Variants in PLXDC2 observed in about 807,000 individuals in gnomAD.
PLXDC2 encodes the protein plexin domain-containing protein 2.
PLXDC2 carries 40 observed loss-of-function variants against 68.9 expected under a neutral mutation model. The observed-to-expected ratio is 0.58, with a 90% CI of 0.45 to 0.76. The LOEUF is 0.76. Ranked by LOEUF, PLXDC2 falls within the 30% of genes least tolerant of loss-of-function variation. The pLI, the probability that PLXDC2 is intolerant of heterozygous loss-of-function variation, is 0.00. For synonymous variants in PLXDC2, 243 were observed against 234.2 expected, an observed-to-expected ratio of 1.04 and a Z score of -0.34; for missense variants, 644 against 661.9, an observed-to-expected ratio of 0.97 and a Z score of 0.30.
chr10:20,062,409 C>T (rs1439175422), intron 3 of PLXDC2, among the ~76,000 whole-genome samples: 3 of 151,446 alleles, frequency 2.0e-5, no homozygotes, highest in African/African-American at 7.3e-5. Flanking sequence ...GGTGGCAGAG[C>T]GAGACTCCAT....
intron 1 of PLXDC2, among the ~76,000 whole-genome samples, chr10:19,923,572 G>A (rs895814325): frequency 2.0e-5 from 3 of 151,990 alleles, no homozygotes; most frequent in African/African-American, 7.3e-5. Context: ...GCTACACTGA[G>A]GCAATTAAGG....
intron 6 of PLXDC2, among the ~76,000 whole-genome samples, chr10:20,162,188 A>T (rs1031794776): frequency 1.3e-5 from 2 of 152,082 alleles, no homozygotes; most frequent in East Asian, 3.9e-4. Context: ...AAAGAAGGAA[A>T]GAAAGAAAAG....
intron 6 of PLXDC2, among the ~76,000 whole-genome samples, chr10:20,149,229 C>CCTTT (rs1834120053): frequency 3.7e-4 from 13 of 34,924 alleles, no homozygotes; most frequent in African/African-American, 1.5e-3. Context: ...TTTTTCTTTT[C>CCTTT]TTTTTTTTTT....
intron 1 of PLXDC2, among the ~76,000 whole-genome samples, chr10:19,930,530 A>G (rs1176533576): frequency 1.3e-5 from 2 of 152,212 alleles, no homozygotes; most frequent in Non-Finnish European, 2.9e-5. Context: ...CCTGTTCTAC[A>G]TACATAGGAA....
In PLXDC2 at chr10:20,111,943, G is replaced by T. The variant is rs189505011; in HGVS notation, c.542-31352G>T. On this transcript the variant is annotated intron_variant, in intron 4 of 13. Transcript: ENST00000377252. Reference sequence around the variant, plus strand: ...TATTTGAAGATGAGACTTTGGAGAGGTAATTAGGGTTATACGAATTTATTG... The same window carrying T: ...TATTTGAAGATGAGACTTTGGAGAGTTAATTAGGGTTATACGAATTTATTG... Among the ~76,000 whole-genome samples, 601 of 152,294 alleles carry T rather than the reference G, an allele frequency of 3.9e-3. 6 individuals are homozygous for T. Among genetic ancestry groups the T allele is most frequent in the Middle Eastern group, 0.01 (3 of 294 alleles).
chr10:20,069,946 T>C (rs1225774702), intron 4 of PLXDC2, among the ~76,000 whole-genome samples: 2 of 152,232 alleles, frequency 1.3e-5, no homozygotes, highest in East Asian at 3.8e-4. Flanking sequence ...TTTAAGACTA[T>C]AGAAAAATTG....
chr10:19,959,554 A>C (rs1045805030), intron 1 of PLXDC2, among the ~76,000 whole-genome samples: 1 of 152,234 alleles, frequency 6.6e-6, no homozygotes, highest in African/African-American at 2.4e-5. Context: ...TCTTAATTTA[A>C]GAATCCTGAA....
intron 4 of PLXDC2, among the ~76,000 whole-genome samples, chr10:20,117,167 A>G (rs1222374992): frequency 6.6e-6 from 1 of 152,130 alleles, no homozygotes; most frequent in African/African-American, 2.4e-5. Flanking sequence ...AAAGTTTTCA[A>G]TAACAGTAGC....
intron 7 of PLXDC2, among the ~76,000 whole-genome samples, chr10:20,166,233 G>A (rs754760404): frequency 1.3e-5 from 2 of 152,252 alleles, no homozygotes; most frequent in South Asian, 4.1e-4. Context: ...TCTTACAACC[G>A]TAAGATATCT....
At chr10:19,846,065 A>G (rs149239019) in intron 1 of PLXDC2, among the ~76,000 whole-genome samples, 236 of 152,254 alleles carry the variant, frequency 1.6e-3, no homozygotes, top group African/African-American at 5.0e-3. Context: ...TTATTTCCAG[A>G]ATAGCCTGCC....
At chr10:20,031,068 A>G (rs940607219) in intron 2 of PLXDC2, among the ~76,000 whole-genome samples, 3 of 152,158 alleles carry the variant, frequency 2.0e-5, no homozygotes, top group African/African-American at 7.2e-5. Flanking sequence ...CTCAGCTGAC[A>G]CTGTGTGGAA....
At chr10:19,842,838 T>C (rs1401441717) in intron 1 of PLXDC2, among the ~76,000 whole-genome samples, 1 of 152,156 alleles carries the variant, frequency 6.6e-6, no homozygotes, top group African/African-American at 2.4e-5. Context: ...TGGAGCTTTC[T>C]TTTTTGCTCT....
chr10:20,036,485 G>T (rs765236281), intron 2 of PLXDC2, among the ~76,000 whole-genome samples: 4 of 152,094 alleles, frequency 2.6e-5, no homozygotes, highest in Non-Finnish European at 5.9e-5. Flanking sequence ...ATCATACATT[G>T]TTATGGTAGC....
At chr10:20,162,394 G>A (rs1310495891) in intron 6 of PLXDC2, among the ~76,000 whole-genome samples, 1 of 152,134 alleles carries the variant, frequency 6.6e-6, no homozygotes, top group Non-Finnish European at 1.5e-5. Flanking sequence ...AATTACCACA[G>A]AATCATCTGG....
At chr10:20,058,281 C>T (rs1333207292) in intron 3 of PLXDC2, among the ~76,000 whole-genome samples, 4 of 152,068 alleles carry the variant, frequency 2.6e-5, no homozygotes, top group Non-Finnish European at 4.4e-5. Context: ...GTGTTAGGAA[C>T]GTTTCATCCT....
chr10:20,007,120 C>A (rs1835039060), intron 2 of PLXDC2, among the ~76,000 whole-genome samples: 1 of 152,118 alleles, frequency 6.6e-6, no homozygotes, highest in Non-Finnish European at 1.5e-5. Flanking sequence ...CATGATTTGG[C>A]CTTGTTGGAG....
At chr10:20,231,191 A>G (rs1835359565) in intron 12 of PLXDC2, among the ~76,000 whole-genome samples, 1 of 151,068 alleles carries the variant, frequency 6.6e-6, no homozygotes, top group Non-Finnish European at 1.5e-5. Flanking sequence ...AGAACAATAT[A>G]TCTACAAAAT....
At position 20,180,341 on chromosome 10, in the gene PLXDC2, A is replaced by G. The variant is rs546331052; in HGVS notation, c.1061+2932A>G. On this transcript the variant is annotated intron_variant, in intron 9 of 13. Transcript: ENST00000377252. ...TCTTCAGCAACCCAGTTATATACAT[A>G]TCAAAACCTGTTTAATTAATCGGTT... Among the ~76,000 whole-genome samples the G allele has an allele frequency of 3.2e-4, 49 of 152,242 alleles. No individual in the cohort carries two copies. In the South Asian group the frequency reaches 6.4e-3, roughly 20 times the overall value.
chr10:20,160,750 G>A (rs769714149), intron 6 of PLXDC2, among the ~76,000 whole-genome samples: 9 of 151,386 alleles, frequency 5.9e-5, no homozygotes, highest in Admixed American at 2.6e-4. Context: ...ACAGAAGAAT[G>A]AAAAAAAAAT....
Sources: allele counts gnomAD v4.1 joint callset (sites outside exome capture counted in the v4.1 genomes callset), GRCh38; gene constraint gnomAD v4.1.1; transcripts MANE v1.5; gene names NCBI Gene and HGNC (gene_info 2026-07-23, HGNC 2026-07-21).